Variants in EFNA5 observed in about 807,000 individuals in gnomAD.
EFNA5 encodes ephrin-A5.
EFNA5 carries 5 observed loss-of-function variants against 22.9 expected under a neutral mutation model. The observed-to-expected ratio is 0.22, with a 90% CI of 0.11 to 0.46. EFNA5 has a LOEUF of 0.46. Among genes scored for constraint, EFNA5 ranks in the 20% least tolerant of loss-of-function variants. The probability of loss-of-function intolerance (pLI) is 0.99; values close to 1 mark genes in which losing one functional copy is unlikely to be tolerated. For synonymous variants in EFNA5, 113 were observed against 112.2 expected (o/e 1.01, Z -0.04); for missense variants, 237 against 293.3 (o/e 0.81, Z 1.40).
intron 1 of EFNA5, among the ~76,000 whole-genome samples, chr5:107,611,230 A>G (rs1197237513): frequency 6.6e-6 from 1 of 152,206 alleles, no homozygotes; most frequent in Non-Finnish European, 1.5e-5. Flanking sequence ...TGGAAATGCT[A>G]TAGTTTAAGA....
Position 107,592,509 on chromosome 5 carries a change from C to T in EFNA5, c.125+77980G>A, listed in dbSNP as rs144825357. On this transcript the variant is annotated intron_variant, in intron 1 of 4. Transcript: ENST00000333274. ...TTTTTAATCTGAAAAAAAGACCTCT[C>T]TCAAACTAGGCTTCTAAAATTACTT... Among the ~76,000 whole-genome samples, 279 of 152,220 alleles carry T rather than the reference C, an allele frequency of 1.8e-3. 1 individual carries two copies. Among genetic ancestry groups the T allele is most frequent in the African/African-American group, 6.5e-3 (270 of 41,548 alleles).
chr5:107,512,160 A>G (rs1747384803), intron 1 of EFNA5, among the ~76,000 whole-genome samples: 1 of 152,196 alleles, frequency 6.6e-6, no homozygotes, highest in South Asian at 2.1e-4. Flanking sequence ...GACATAAAGC[A>G]GCATTCAACA....
chr5:107,577,798 T>C (rs941153197), intron 1 of EFNA5, among the ~76,000 whole-genome samples: 6 of 152,168 alleles, frequency 3.9e-5, no homozygotes, highest in African/African-American at 1.4e-4. Flanking sequence ...CTTAAAGTCA[T>C]GCATGTGGTC....
intron 2 of EFNA5, among the ~76,000 whole-genome samples, chr5:107,395,134 G>A (rs1396628000): frequency 1.4e-5 from 2 of 140,324 alleles, no homozygotes; most frequent in African/African-American, 5.3e-5. Context: ...CACCTACCAG[G>A]TTCAAGCGAT....
At chr5:107,558,851 G>T (rs1222486547) in intron 1 of EFNA5, among the ~76,000 whole-genome samples, 3 of 152,184 alleles carry the variant, frequency 2.0e-5, no homozygotes, top group African/African-American at 7.2e-5. Flanking sequence ...TTCTAAATGG[G>T]AAATATTTAT....
intron 1 of EFNA5, among the ~76,000 whole-genome samples, chr5:107,612,449 C>A (rs1274114021): frequency 1.3e-5 from 2 of 151,600 alleles, no homozygotes; most frequent in South Asian, 2.1e-4. Flanking sequence ...CATCAATAGC[C>A]CAAGCAAGCA....
At chr5:107,553,205 T>A (rs991897338) in intron 1 of EFNA5, among the ~76,000 whole-genome samples, 1 of 152,158 alleles carries the variant, frequency 6.6e-6, no homozygotes, top group South Asian at 2.1e-4. Context: ...CCCAGGGGCC[T>A]TATTAAACTG....
chr5:107,592,027 AT>A (rs1749377818), intron 1 of EFNA5, among the ~76,000 whole-genome samples: 2 of 45,098 alleles, frequency 4.4e-5, no homozygotes, highest in South Asian at 3.9e-4. Flanking sequence ...TATAATATAT[AT>A]TATATATTAT....
At chr5:107,547,842 C>T (rs542712952) in intron 1 of EFNA5, among the ~76,000 whole-genome samples, 2 of 152,120 alleles carry the variant, frequency 1.3e-5, no homozygotes, top group Non-Finnish European at 2.9e-5. Flanking sequence ...AATAGCTTAA[C>T]TAAAAATCTG....
chr5:107,431,282 G>A (rs1354638261), intron 1 of EFNA5, among the ~76,000 whole-genome samples: 1 of 152,140 alleles, frequency 6.6e-6, no homozygotes, highest in Non-Finnish European at 1.5e-5. Flanking sequence ...ATAATCCAAA[G>A]AAAAGTTTAG....
At chr5:107,384,722 C>T (rs1267710995) in intron 4 of EFNA5, among the ~76,000 whole-genome samples, 2 of 151,764 alleles carry the variant, frequency 1.3e-5, no homozygotes, top group Non-Finnish European at 2.9e-5. Context: ...AGCAATCCTC[C>T]CACTTCAGTC....
rs997770234 is a variant in EFNA5 at position 107,377,534 on chromosome 5, T to C, written c.*3721A>G. 1 of 152,070 alleles carries C rather than the reference T, an allele frequency of 6.6e-6. No individual in the cohort carries two copies. Among genetic ancestry groups the C allele is most frequent in the African/African-American group, 2.4e-5 (1 of 41,382 alleles). The allele number at this position is 152,070 out of a possible 1,614,324, so 9.4% of individuals were successfully genotyped here. Reference sequence around the variant, plus strand: ...AGTTGAAAACTGTTTTTCTAATTATTTGAAAATAATACAAATGGCTGCTGC... The same window carrying C: ...AGTTGAAAACTGTTTTTCTAATTATCTGAAAATAATACAAATGGCTGCTGC... On this transcript the variant is annotated 3_prime_UTR_variant, in exon 5 of 5. Coordinates refer to ENST00000333274, the MANE Select transcript of EFNA5 (RefSeq NM_001962.3).
At chr5:107,462,908 C>T (rs1271296828) in intron 1 of EFNA5, among the ~76,000 whole-genome samples, 1 of 152,028 alleles carries the variant, frequency 6.6e-6, no homozygotes, top group Non-Finnish European at 1.5e-5. Flanking sequence ...GGAGAAATAC[C>T]ACACAGTGAT....
intron 1 of EFNA5, among the ~76,000 whole-genome samples, chr5:107,447,443 A>C (rs1415789941): frequency 6.6e-6 from 1 of 152,232 alleles, no homozygotes; most frequent in African/African-American, 2.4e-5. Flanking sequence ...GTATATTGAT[A>C]GCCTCCTGTG....
At chr5:107,653,027 A>T (rs767203474) in intron 1 of EFNA5, among the ~76,000 whole-genome samples, 1 of 151,964 alleles carries the variant, frequency 6.6e-6, no homozygotes, top group African/African-American at 2.4e-5. Context: ...GACCCAAGAG[A>T]GTGTGTAATC....
rs58619326 is a variant in EFNA5 at position 107,395,034 on chromosome 5, C to CTTT, written c.419-7266_419-7264dup. On this transcript the variant is annotated intron_variant, in intron 2 of 4. Transcript: ENST00000333274. ...CCCCTTATAAGAAGGATTTCTAGTTCTTTTTTTTTTTTTTTTTTCCGCGAG... is the reference window on the plus strand; with the variant it reads ...CCCCTTATAAGAAGGATTTCTAGTTCTTTTTTTTTTTTTTTTTTTTTCCGCGAG... 7.0e-3 allele frequency among the ~76,000 whole-genome samples: 604 copies of CTTT among 86,124 alleles called. 51 individuals are homozygous for CTTT. The highest frequency in any genetic ancestry group is 0.025 in the African/African-American group (581 of 23,186). The allele number at this position is 86,124 out of a possible 152,430, so 56.5% of individuals were successfully genotyped here. A position where few individuals can be genotyped will look rare whatever the true frequency, so the allele number is the denominator to read the frequency against.
At position 107,378,400 on chromosome 5, in the gene EFNA5, G is replaced by A. The variant is rs1201321767; in HGVS notation, c.*2855C>T. On this transcript the variant is annotated 3_prime_UTR_variant, in exon 5 of 5. Coordinates refer to ENST00000333274, the MANE Select transcript of EFNA5 (RefSeq NM_001962.3). ...AGGTCACTGGGGTTTGACTAACTGG[G>A]GCTGAGTGGCAGCTATGACTGTCCT... 1 of 151,976 alleles carries A rather than the reference G, an allele frequency of 6.6e-6. No homozygotes were observed. Among genetic ancestry groups the A allele is most frequent in the Non-Finnish European group, 1.5e-5 (1 of 68,020 alleles). The allele number at this position is 151,976 out of a possible 1,614,324, so 9.4% of individuals were successfully genotyped here. A position where few individuals can be genotyped will look rare whatever the true frequency, so the allele number is the denominator to read the frequency against.
At chr5:107,577,664 A>G (rs578135418) in intron 1 of EFNA5, among the ~76,000 whole-genome samples, 1 of 152,298 alleles carries the variant, frequency 6.6e-6, no homozygotes, top group African/African-American at 2.4e-5. Context: ...GTCTTATTGT[A>G]AACTCTGGAC....
At chr5:107,587,610 G>A (rs571916600) in intron 1 of EFNA5, among the ~76,000 whole-genome samples, 8 of 152,206 alleles carry the variant, frequency 5.3e-5, no homozygotes, top group South Asian at 2.1e-4. Flanking sequence ...TCCGCCTCCC[G>A]GGTTCATGCC....
Sources: gnomAD v4.1 joint callset for allele counts (sites outside exome capture counted in the v4.1 genomes callset) on GRCh38, gnomAD v4.1.1 for gene constraint, MANE v1.5 for transcripts, NCBI Gene and HGNC (gene_info 2026-07-23, HGNC 2026-07-21) for gene names.